PLB1: variants seen among roughly 807,000 people sequenced by gnomAD.
PLB1 encodes phospholipase B1, membrane-associated.
In PLB1, 242 loss-of-function variants were observed where a neutral mutation model predicts 227.4. The observed-to-expected ratio is 1.06, with a 90% CI of 0.96 to 1.18. The LOEUF is 1.18. Among genes scored for constraint, PLB1 ranks in the 50% most tolerant of loss-of-function variants. The probability of loss-of-function intolerance (pLI) is 0.00; values close to 1 mark genes in which losing one functional copy is unlikely to be tolerated. For synonymous variants in PLB1, 757 were observed against 682.2 expected (o/e 1.11, Z -1.71); for missense variants, 1,858 against 1,816.3 (o/e 1.02, Z -0.42).
In PLB1 at chr2:28,606,524, C is replaced by T. The variant is rs1234446068; in HGVS notation, c.3086C>T (p.Thr1029Ile). 6.2e-7 allele frequency: 1 copy of T among 1,614,204 alleles called. No homozygotes were observed. Among genetic ancestry groups the T allele is most frequent in the Non-Finnish European group, 8.5e-7 (1 of 1,180,032 alleles). The change falls in exon 43 of 58, where the codon ACC (threonine) becomes ATC (isoleucine). Residue 1029 changes from threonine to isoleucine, a missense_variant. Coordinates refer to ENST00000327757, the MANE Select transcript of PLB1 (RefSeq NM_153021.5). ...MLEPLGSKTETLDLRAEMPIT... is the reference protein window; with the variant it reads ...MLEPLGSKTEILDLRAEMPIT... ...GAACCACTTGGAAGCAAAACAGAGACCCTGGACCTGAGAGCAGAGATGCCC... is the reference window on the plus strand; with the variant it reads ...GAACCACTTGGAAGCAAAACAGAGATCCTGGACCTGAGAGCAGAGATGCCC...
intron 29 of PLB1, 88 bp downstream of exon 29, chr2:28,590,164 C>G (rs1380214526): frequency 8.7e-7 from 1 of 1,150,868 alleles, no homozygotes; most frequent in African/African-American, 1.5e-5. Context: ...CACCCCAGCT[C>G]TGCCTGCCCA....
At chr2:28,591,222 C>T (rs373916473) in intron 30 of PLB1, 51 bp downstream of exon 30, 3 of 1,608,558 alleles carry the variant, frequency 1.9e-6, no homozygotes, top group Non-Finnish European at 1.7e-6. Context: ...AATGGGCAAC[C>T]CCTGGGCTGG....
chr2:28,571,940 C>T (rs1205072371), intron 20 of PLB1, among the ~76,000 whole-genome samples: 1 of 152,062 alleles, frequency 6.6e-6, no homozygotes, highest in Non-Finnish European at 1.5e-5. Flanking sequence ...CGATATTTTG[C>T]GCTTCAAAGG....
At chr2:28,607,906 G>A (rs1261999967) in intron 43 of PLB1, among the ~76,000 whole-genome samples, 1 of 152,168 alleles carries the variant, frequency 6.6e-6, no homozygotes, top group Non-Finnish European at 1.5e-5. Flanking sequence ...GCCATCATTT[G>A]CTCTTTCTTT....
chr2:28,604,936 A>G (rs1021078086), intron 41 of PLB1, among the ~76,000 whole-genome samples, 177 bp downstream of exon 41: 4 of 152,196 alleles, frequency 2.6e-5, no homozygotes, highest in African/African-American at 4.8e-5. Context: ...CGAGGCTCCC[A>G]TGACCCCTGT....
intron 1 of PLB1, among the ~76,000 whole-genome samples, chr2:28,501,378 A>C (rs1376899772): frequency 6.6e-6 from 1 of 152,018 alleles, no homozygotes; most frequent in Admixed American, 6.6e-5. Flanking sequence ...AATATATCCC[A>C]CTCAGGGTGT....
At chr2:28,521,563 C>T (rs950935677) in intron 4 of PLB1, among the ~76,000 whole-genome samples, 2 of 152,036 alleles carry the variant, frequency 1.3e-5, no homozygotes, top group African/African-American at 4.8e-5. Flanking sequence ...TGTTGAACAT[C>T]TTTTCATGCA....
rs185950256 is a variant in PLB1 at position 28,531,104 on chromosome 2, A to G, written c.469-1004A>G. Among the ~76,000 whole-genome samples, 45 of 152,364 alleles carry G rather than the reference A, an allele frequency of 3.0e-4. 1 individual carries two copies. The highest frequency in any genetic ancestry group is 1.1e-3 in the African/African-American group (44 of 41,590). On this transcript the variant is annotated intron_variant, in intron 8 of 57. Coordinates refer to ENST00000327757, the MANE Select transcript of PLB1 (RefSeq NM_153021.5). Reference sequence around the variant, plus strand: ...GCAAAGTTTGTTTTCTGGTTACACAAGAAATGCATGTTCATAACCGAAAAA... The same window carrying G: ...GCAAAGTTTGTTTTCTGGTTACACAGGAAATGCATGTTCATAACCGAAAAA...
At position 28,591,696 on chromosome 2, in the gene PLB1, T is replaced by C. The variant is rs968068711; in HGVS notation, c.2128-4T>C. 3.1e-6 allele frequency: 5 copies of C among 1,613,906 alleles called. No individual in the cohort carries two copies. Among genetic ancestry groups the C allele is most frequent in the Middle Eastern group, 3.3e-4 (2 of 6,058 alleles). On this transcript the variant is annotated splice_region_variant and splice_polypyrimidine_tract_variant and intron_variant, in intron 30 of 57. Coordinates refer to ENST00000327757, the MANE Select transcript of PLB1 (RefSeq NM_153021.5). ...AGATTCTGGGATTTGTTCTATGCCCTTAGGGTCATGGGACCTGGCTGCCAT... is the reference window on the plus strand; with the variant it reads ...AGATTCTGGGATTTGTTCTATGCCCCTAGGGTCATGGGACCTGGCTGCCAT...
At chr2:28,639,688 A>C (rs1210970638) in intron 56 of PLB1, among the ~76,000 whole-genome samples, 1 of 152,232 alleles carries the variant, frequency 6.6e-6, no homozygotes, top group East Asian at 1.9e-4. Context: ...GGGTTCCTGG[A>C]ATAGCATCGG....
intron 4 of PLB1, among the ~76,000 whole-genome samples, chr2:28,523,225 G>A (rs1181154615): frequency 2.7e-5 from 4 of 150,662 alleles, no homozygotes; most frequent in Admixed American, 6.6e-5. Context: ...ACATACACAC[G>A]TGCACACACA....
At chr2:28,616,842 A>G (rs1686269761) in intron 44 of PLB1, among the ~76,000 whole-genome samples, 1 of 152,246 alleles carries the variant, frequency 6.6e-6, no homozygotes, top group Non-Finnish European at 1.5e-5. Flanking sequence ...CTCTCTCATG[A>G]TAGGAATATT....
intron 8 of PLB1, among the ~76,000 whole-genome samples, chr2:28,530,756 A>G (rs761480355): frequency 1.3e-4 from 20 of 152,254 alleles, no homozygotes; most frequent in Non-Finnish European, 2.6e-4. Context: ...CTGCTGTTTC[A>G]GCCAGCCATG....
chr2:28,579,488 G>C (rs12466173), intron 22 of PLB1, 139 bp from the exon 23 acceptor site: 219,697 of 612,656 alleles, frequency 0.36, 40,949 homozygotes, highest in African/African-American at 0.52. Flanking sequence ...GACCCTAAAA[G>C]CAAGGAACAG....
intron 17 of PLB1, among the ~76,000 whole-genome samples, chr2:28,555,328 GAC>G (rs565675998): frequency 7.1e-4 from 108 of 152,150 alleles, no homozygotes; most frequent in Admixed American, 2.9e-3. Context: ...TTTTTGTAGA[GAC>G]AGGGTTTCGC....
At chr2:28,582,259 A>AG (rs145048463) in intron 24 of PLB1, 126 bp downstream of exon 24, 539 of 1,226,342 alleles carry the variant, frequency 4.4e-4, no homozygotes, top group Non-Finnish European at 4.9e-4. Context: ...AAATGCATAG[A>AG]GGGGGAGCAG....
chr2:28,603,398 T>G lies in PLB1; in HGVS notation c.2774+477T>G, dbSNP rs11686442. Among the ~76,000 whole-genome samples the G allele has an allele frequency of 4.4e-3, 668 of 152,338 alleles. 7 individuals carry two copies. The highest frequency in any genetic ancestry group is 4.8e-3 in the Non-Finnish European group (329 of 68,028). ...AAGTACATGGATGTGTGTTTTATTA[T>G]TCTTTATATCTTACACATCTATTTA... On this transcript the variant is annotated intron_variant, in intron 39 of 57. Transcript: ENST00000327757.
chr2:28,628,728 G>A (rs753959875), intron 52 of PLB1, 100 bp downstream of exon 52: 648 of 1,178,624 alleles, frequency 5.5e-4, no homozygotes, highest in Non-Finnish European at 7.8e-4. Context: ...GCAGAGACCC[G>A]CCATGAGTGA....
chr2:28,630,695 C>T lies in PLB1; in HGVS notation c.3897+31C>T, dbSNP rs554226425. 2.4e-4 allele frequency: 379 copies of T among 1,582,742 alleles called. 5 individuals carry two copies. The South Asian group carries it at 4.1e-3, about 17-fold the overall frequency. On this transcript the variant is annotated intron_variant, in intron 54 of 57. Transcript: ENST00000327757. ...CCCTGCAGCCCTTCTCTTACTGACCCAGCTGGGGGGCCCCCTGTACTCCAA... is the reference window on the plus strand; with the variant it reads ...CCCTGCAGCCCTTCTCTTACTGACCTAGCTGGGGGGCCCCCTGTACTCCAA...
Sources: allele counts gnomAD v4.1 joint callset (sites outside exome capture counted in the v4.1 genomes callset), GRCh38; gene constraint gnomAD v4.1.1; transcripts MANE v1.5; gene names NCBI Gene and HGNC (gene_info 2026-07-23, HGNC 2026-07-21).